Variants in LARP4B observed in about 807,000 individuals in gnomAD.
LARP4B encodes La ribonucleoprotein 4B.
In LARP4B, 12 loss-of-function variants were observed where a neutral mutation model predicts 89.8. The observed-to-expected ratio is 0.13, with a 90% confidence interval of 0.09 to 0.22. LARP4B has a LOEUF of 0.22. LARP4B is among the 10% of genes least tolerant of loss of function. The probability of loss-of-function intolerance (pLI) is 1.00; values close to 1 mark genes in which losing one functional copy is unlikely to be tolerated. For missense variants in LARP4B, 757 were observed against 947.7 expected, an observed-to-expected ratio of 0.80 and a Z score of 2.64; for synonymous variants, 367 against 363.3, an observed-to-expected ratio of 1.01 and a Z score of -0.12.
At chr10:853,088 C>T (rs139568890) in intron 5 of LARP4B, among the ~76,000 whole-genome samples, 60 of 152,194 alleles carry the variant, frequency 3.9e-4, no homozygotes, top group Admixed American at 1.0e-3. Context: ...TATTAACAAC[C>T]TCATTCTAAT....
intron 1 of LARP4B, among the ~76,000 whole-genome samples, chr10:926,313 ATC>A (rs1250146084): frequency 6.6e-6 from 1 of 152,240 alleles, no homozygotes; most frequent in African/African-American, 2.4e-5. Flanking sequence ...CTCCTAAAAT[ATC>A]TTTTTAAGGA....
At chr10:939,064 T>C in the LARP4B span, among the ~76,000 whole-genome samples, 2 of 152,212 alleles carry the variant, frequency 1.3e-5, no homozygotes, top group Non-Finnish European at 2.9e-5. Context: ...AATAAAAACA[T>C]AGTAATGAGA....
chr10:910,461 T>TC (rs1470277970), intron 1 of LARP4B, among the ~76,000 whole-genome samples: 8 of 152,234 alleles, frequency 5.3e-5, no homozygotes, highest in African/African-American at 1.9e-4. Context: ...TGTGACACTC[T>TC]CCATCTTCAG....
At chr10:807,964 CCTT>C (rs1311866533), downstream of LARP4B, 1 of 152,262 alleles carries the variant, frequency 6.6e-6, no homozygotes, top group African/African-American at 2.4e-5. Context: ...CACACGTGGT[CCTT>C]CTTCAGTTGG....
chr10:829,082 C>T (rs1832764337), intron 11 of LARP4B, among the ~76,000 whole-genome samples: 1 of 152,196 alleles, frequency 6.6e-6, no homozygotes. Flanking sequence ...ATCCCCCTTG[C>T]ATTGTACTCT....
At chr10:960,795 G>A in the LARP4B span, among the ~76,000 whole-genome samples, 1 of 150,452 alleles carries the variant, frequency 6.6e-6, no homozygotes, top group Admixed American at 6.6e-5. Context: ...AATTAACACG[G>A]TTAATTTCAG....
chr10:845,798 C>T (rs1833750328), intron 5 of LARP4B, among the ~76,000 whole-genome samples: 1 of 152,180 alleles, frequency 6.6e-6, no homozygotes, highest in African/African-American at 2.4e-5. Flanking sequence ...ATGACAGGCA[C>T]TGAAATGCTA....
the LARP4B span, among the ~76,000 whole-genome samples, chr10:982,090 G>C: frequency 7.3e-6 from 1 of 137,896 alleles, no homozygotes; most frequent in Admixed American, 7.6e-5. Context: ...TCAACCTATA[G>C]CTTTTTTTTC....
chr10:932,722 C>A (rs556538387), upstream of LARP4B, among the ~76,000 whole-genome samples: 1 of 141,152 alleles, frequency 7.1e-6, no homozygotes, highest in African/African-American at 2.6e-5. Context: ...CCAGCCCTGT[C>A]CCGAACTCCC....
In LARP4B at chr10:822,487, A is replaced by G. The variant is rs1260874307; in HGVS notation, c.1485-1642T>C. Among the ~76,000 whole-genome samples the G allele has an allele frequency of 2.0e-5, 3 of 152,288 alleles. No individual in the cohort carries two copies. In the East Asian group the frequency reaches 5.8e-4, roughly 29 times the overall value. On this transcript the variant is annotated intron_variant, in intron 13 of 17. Coordinates refer to ENST00000316157, the MANE Select transcript of LARP4B (RefSeq NM_015155.3). The surrounding 1 kb of genome is among the most constrained non-coding windows in gnomAD (Gnocchi z 4.6). ...ATGGGGTCCTATCCCAGTCACCATC[A>G]GTGGGCCCAGCCAACACTCCCCCAC...
At chr10:871,778 C>A (rs571969440) in intron 3 of LARP4B, among the ~76,000 whole-genome samples, 2 of 152,274 alleles carry the variant, frequency 1.3e-5, no homozygotes, top group Admixed American at 6.5e-5. Flanking sequence ...TAAATCAATT[C>A]TATCTAGACC....
chr10:875,074 A>G lies in LARP4B; in HGVS notation c.141+9373T>C, dbSNP rs562200701. On this transcript the variant is annotated intron_variant, in intron 3 of 17. Transcript: ENST00000316157. ...CAGACCATACATTGACCATACTGTT[A>G]TGCTACTCAAAGAGAATTAAACATC... Among the ~76,000 whole-genome samples, 15 of 152,342 alleles carry G rather than the reference A, an allele frequency of 9.8e-5. No individual in the cohort carries two copies. The South Asian group carries it at 3.1e-3, about 32-fold the overall frequency.
At chr10:847,495 T>C (rs1307803519) in intron 5 of LARP4B, among the ~76,000 whole-genome samples, 1 of 151,804 alleles carries the variant, frequency 6.6e-6, no homozygotes, top group Non-Finnish European at 1.5e-5. Flanking sequence ...ACAAAGGACA[T>C]AGATTCCTAT....
intron 1 of LARP4B, among the ~76,000 whole-genome samples, chr10:915,090 G>T (rs1836783621): frequency 6.6e-6 from 1 of 152,142 alleles, no homozygotes; most frequent in South Asian, 2.1e-4. Flanking sequence ...ATTTTAAGTG[G>T]TTGTAAAAAG....
chr10:928,468 T>TA (rs1837214529), intron 1 of LARP4B, among the ~76,000 whole-genome samples: 1 of 152,224 alleles, frequency 6.6e-6, no homozygotes, highest in African/African-American at 2.4e-5. Flanking sequence ...CCTTGGCTGG[T>TA]AACATCTACC....
intron 8 of LARP4B, among the ~76,000 whole-genome samples, chr10:835,600 G>T (rs1177589169): frequency 6.6e-6 from 1 of 152,170 alleles, no homozygotes; most frequent in African/African-American, 2.4e-5. Flanking sequence ...CTCAGTTTAG[G>T]CATCTGGACA....
chr10:904,346 G>C (rs1324931478), intron 1 of LARP4B, among the ~76,000 whole-genome samples: 1 of 152,148 alleles, frequency 6.6e-6, no homozygotes, highest in Non-Finnish European at 1.5e-5. Flanking sequence ...TTGAGCTCAG[G>C]AGTTTGAGAC....
At chr10:931,879 CCTT>C (rs1181723862), upstream of LARP4B, among the ~76,000 whole-genome samples, 1 of 151,046 alleles carries the variant, frequency 6.6e-6, no homozygotes, top group Non-Finnish European at 1.5e-5. Context: ...CGCCCCGCCG[CCTT>C]CTTGGCCTCT....
chr10:918,236 T>G (rs1033837829), intron 1 of LARP4B, among the ~76,000 whole-genome samples: 10 of 152,212 alleles, frequency 6.6e-5, no homozygotes, highest in African/African-American at 2.4e-4. Context: ...TAACTGCCGC[T>G]GAGCAACTTG....
Sources: gnomAD v4.1 joint callset for allele counts (sites outside exome capture counted in the v4.1 genomes callset) on GRCh38, gnomAD v4.1.1 for gene constraint, Gnocchi (gnomAD v3.1) non-coding constraint, MANE v1.5 for transcripts, NCBI Gene and HGNC (gene_info 2026-07-23, HGNC 2026-07-21) for gene names.